Variants in NDNF observed in about 807,000 individuals in gnomAD.
NDNF encodes the protein neuron derived neurotrophic factor, also known as protein NDNF.
In NDNF, 16 loss-of-function variants were observed where a neutral mutation model predicts 42.0. That is an observed-to-expected ratio of 0.38 (90% CI 0.26 to 0.58). The LOEUF is 0.58. NDNF is among the 20% of genes least tolerant of loss of function. The pLI, the probability that NDNF is intolerant of heterozygous loss-of-function variation, is 0.67. For missense variants in NDNF, 616 were observed against 666.2 expected (o/e 0.92, Z 0.83); for synonymous variants, 248 against 251.7 (o/e 0.99, Z 0.14).
At chr4:121,039,143 G>GTATATATATACATATAAATATATA (rs1386847891) in intron 3 of NDNF, among the ~76,000 whole-genome samples, 6 of 37,692 alleles carry the variant, frequency 1.6e-4, no homozygotes, top group South Asian at 1.4e-3. Flanking sequence ...ATATATATAT[G>GTATATATATACATATAAATATATA]TGTATATATA....
chr4:121,038,446 G>A (rs1278659012), intron 3 of NDNF, among the ~76,000 whole-genome samples: 3 of 151,196 alleles, frequency 2.0e-5, no homozygotes, highest in East Asian at 1.9e-4. Context: ...AGTATAGAAC[G>A]TGCACCCAGG....
chr4:121,066,847 T>C (rs1727507477), intron 1 of NDNF, among the ~76,000 whole-genome samples: 1 of 152,250 alleles, frequency 6.6e-6, no homozygotes, highest in Non-Finnish European at 1.5e-5. Context: ...GCTATGTTTT[T>C]AGATTGTGGA....
chr4:121,051,213 A>G (rs894796402), intron 1 of NDNF, among the ~76,000 whole-genome samples: 45 of 152,274 alleles, frequency 3.0e-4, no homozygotes, highest in African/African-American at 1.1e-3. Context: ...TTTTAGGACT[A>G]TGGTGATGGG....
intron 1 of NDNF, among the ~76,000 whole-genome samples, chr4:121,063,672 T>A (rs1329097966): frequency 1.3e-5 from 2 of 152,016 alleles, no homozygotes. Context: ...TAGAGGAGAA[T>A]CTATGCAAAT....
chr4:121,048,201 G>A (rs920879756), intron 1 of NDNF, among the ~76,000 whole-genome samples: 1 of 152,164 alleles, frequency 6.6e-6, no homozygotes, highest in African/African-American at 2.4e-5. Flanking sequence ...GAGAACAGAC[G>A]AGGCCAAATA....
intron 1 of NDNF, chr4:121,071,564 C>CT (rs1727600494): frequency 6.6e-6 from 1 of 152,210 alleles, no homozygotes; most frequent in Non-Finnish European, 1.5e-5. Flanking sequence ...CAACAGCCCT[C>CT]TTGGCAGGCG....
intron 3 of NDNF, among the ~76,000 whole-genome samples, chr4:121,039,139 ATATG>A (rs1726933274): frequency 2.7e-5 from 1 of 37,418 alleles, no homozygotes; most frequent in East Asian, 3.2e-3. Flanking sequence ...AGTTATATAT[ATATG>A]TGTATATATA....
In NDNF at chr4:121,045,859, A is replaced by G. The variant is rs117461188; in HGVS notation, c.-1-21T>C. 9.9e-4 allele frequency: 1,583 copies of G among 1,606,064 alleles called. 18 individuals are homozygous for G. In the East Asian group the frequency reaches 0.03, roughly 30 times the overall value. On this transcript the variant is annotated intron_variant, in intron 1 of 3. Coordinates refer to ENST00000379692, the MANE Select transcript of NDNF (RefSeq NM_024574.4). ...CCATCCTGAGGCAACAGAAATGACT[A>G]CTTTATTAGTTCTGCAGGCAGACAC...
At chr4:121,047,376 G>A (rs891335471) in intron 1 of NDNF, among the ~76,000 whole-genome samples, 1 of 152,124 alleles carries the variant, frequency 6.6e-6, no homozygotes, top group Non-Finnish European at 1.5e-5. Flanking sequence ...CTAAGTTCAC[G>A]AGTTGCATTA....
intron 1 of NDNF, among the ~76,000 whole-genome samples, chr4:121,048,320 G>C (rs1287150156): frequency 3.3e-5 from 5 of 152,182 alleles, no homozygotes; most frequent in Admixed American, 1.3e-4. Context: ...AGGCATATTT[G>C]CCTCAGAGCC....
At chr4:121,040,817 ATT>A (rs1229456499) in intron 2 of NDNF, among the ~76,000 whole-genome samples, 2 of 151,956 alleles carry the variant, frequency 1.3e-5, no homozygotes, top group Non-Finnish European at 2.9e-5. Context: ...TAATTTTTAA[ATT>A]TTTTTGTACA....
intron 1 of NDNF, among the ~76,000 whole-genome samples, chr4:121,047,680 A>T (rs1727117609): frequency 6.6e-6 from 1 of 152,214 alleles, no homozygotes; most frequent in African/African-American, 2.4e-5. Context: ...CAATTCACCT[A>T]GCCACTCCGG....
At chr4:121,071,781 A>C (rs1370906214) in intron 1 of NDNF, 1 of 151,634 alleles carries the variant, frequency 6.6e-6, no homozygotes, top group African/African-American at 2.4e-5. Flanking sequence ...AAAAAAAAAA[A>C]ACGAGGGAAA....
In NDNF at chr4:121,037,695, C is replaced by T. The variant is rs200656895; in HGVS notation, c.314-38G>A. ...GGAGAAGCACAGGCTACTGTCAGGGCATACACTGTGGCTTGCCAACCTTAA... is the reference window on the plus strand; with the variant it reads ...GGAGAAGCACAGGCTACTGTCAGGGTATACACTGTGGCTTGCCAACCTTAA... On this transcript the variant is annotated intron_variant, in intron 3 of 3. Transcript: ENST00000379692. 1.7e-5 allele frequency: 25 copies of T among 1,488,800 alleles called. No homozygotes were observed. The East Asian group carries it at 5.2e-4, about 31-fold the overall frequency. 92.2% of individuals were successfully genotyped at this position (1,488,800 alleles called of 1,614,324 possible).
chr4:121,043,483 A>G (rs925866165), intron 2 of NDNF, among the ~76,000 whole-genome samples: 3 of 152,150 alleles, frequency 2.0e-5, no homozygotes, highest in Non-Finnish European at 4.4e-5. Context: ...CCTATTGTGG[A>G]TACCAAGGGC....
rs187252597 is a variant in NDNF at position 121,046,595 on chromosome 4, C to G, written c.-1-757G>C. On this transcript the variant is annotated intron_variant, in intron 1 of 3. Transcript: ENST00000379692. ...TTCAACACAACGTTGACATATACAC[C>G]TCTATCATTTTAGAAAATGGGCTTG... Among the ~76,000 whole-genome samples, 23 of 152,272 alleles carry G rather than the reference C, an allele frequency of 1.5e-4. No homozygotes were observed. In the East Asian group the frequency reaches 2.1e-3, roughly 14 times the overall value.
intron 1 of NDNF, among the ~76,000 whole-genome samples, chr4:121,046,174 T>C (rs1340277180): frequency 2.0e-5 from 3 of 152,232 alleles, no homozygotes; most frequent in African/African-American, 7.2e-5. Context: ...TAACGCTATA[T>C]CAATGTCTCA....
intron 1 of NDNF, among the ~76,000 whole-genome samples, chr4:121,053,573 A>G (rs1727236742): frequency 6.6e-6 from 1 of 152,252 alleles, no homozygotes; most frequent in Non-Finnish European, 1.5e-5. Context: ...AGAAAGGAGT[A>G]GAACTCTTAA....
chr4:121,051,033 G>A (rs964981037), intron 1 of NDNF, among the ~76,000 whole-genome samples: 2 of 152,150 alleles, frequency 1.3e-5, no homozygotes, highest in Non-Finnish European at 2.9e-5. Context: ...GATCAAAAAT[G>A]TGGAAACATT....
Sources: allele counts gnomAD v4.1 joint callset (sites outside exome capture counted in the v4.1 genomes callset), GRCh38; gene constraint gnomAD v4.1.1; transcripts MANE v1.5; gene names NCBI Gene and HGNC (gene_info 2026-07-23, HGNC 2026-07-21).